Variants in THSD4 observed in about 807,000 individuals in gnomAD.
The protein encoded by THSD4 is thrombospondin type 1 domain containing 4.
Under a neutral mutation model 119.0 loss-of-function variants are expected in THSD4, and 69 were observed. The ratio of observed to expected loss-of-function variants is 0.58; its 90% confidence interval spans 0.48 to 0.71. The LOEUF (loss-of-function observed/expected upper bound fraction) is 0.71. THSD4 is among the 30% of genes least tolerant of loss of function. The probability of loss-of-function intolerance (pLI) is 0.00; values close to 1 mark genes in which losing one functional copy is unlikely to be tolerated. For synonymous variants in THSD4, 524 were observed against 540.4 expected, an observed-to-expected ratio of 0.97 and a Z score of 0.42; for missense variants, 1,393 against 1,391.1, an observed-to-expected ratio of 1.00 and a Z score of -0.02.
intron 3 of THSD4, among the ~76,000 whole-genome samples, chr15:71,207,044 T>A (rs112492267): frequency 2.6e-5 from 4 of 152,344 alleles, no homozygotes; most frequent in African/African-American, 9.6e-5. Flanking sequence ...TCAATTAATA[T>A]TGTATTACAA....
Position 71,097,725 on chromosome 15 carries a change from TA to T in THSD4, c.-80+720del, listed in dbSNP as rs1364643265. ...AGAAAGATGTATATATATATATATA[TA>T]TATTTTTTTTTTTAAGTCCAAAGCA... On this transcript the variant is annotated intron_variant, in intron 1 of 17. Coordinates refer to the THSD4 transcript ENST00000355327. Among the ~76,000 whole-genome samples, 670 of 132,412 alleles carry T rather than the reference TA, an allele frequency of 5.1e-3. 5 individuals carry two copies. Among genetic ancestry groups the T allele is most frequent in the African/African-American group, 0.013 (449 of 35,246 alleles). 86.9% of individuals were successfully genotyped at this position (132,412 alleles called of 152,430 possible).
chr15:71,487,855 T>G (rs1365053366), intron 7 of THSD4, among the ~76,000 whole-genome samples: 1 of 152,192 alleles, frequency 6.6e-6, no homozygotes, highest in South Asian at 2.1e-4. Flanking sequence ...TTGGCTTCTC[T>G]ATAATTTTAT....
At chr15:71,146,359 C>G (rs576608383) in intron 2 of THSD4, among the ~76,000 whole-genome samples, 9 of 151,554 alleles carry the variant, frequency 5.9e-5, no homozygotes, top group African/African-American at 2.2e-4. Context: ...GCAAAGCAGT[C>G]TGAGTACCAG....
At chr15:71,387,461 A>G (rs758534104) in intron 6 of THSD4, among the ~76,000 whole-genome samples, 4 of 152,176 alleles carry the variant, frequency 2.6e-5, no homozygotes, top group Non-Finnish European at 5.9e-5. Flanking sequence ...TCTTTTTCCT[A>G]ATATGTATAA....
chr15:71,691,896 A>T (rs1443613085), intron 8 of THSD4, among the ~76,000 whole-genome samples: 1 of 152,158 alleles, frequency 6.6e-6, no homozygotes, highest in African/African-American at 2.4e-5. Context: ...GGGGAATGAG[A>T]ATGAAACTAG....
Position 71,613,226 on chromosome 15 carries a change from C to T in THSD4, c.1153-47304C>T, listed in dbSNP as rs574832199. 9.2e-5 allele frequency among the ~76,000 whole-genome samples: 14 copies of T among 152,218 alleles called. No homozygotes were observed. In the East Asian group the frequency reaches 1.2e-3, roughly 13 times the overall value. On this transcript the variant is annotated intron_variant, in intron 7 of 17. Coordinates refer to ENST00000261862, the MANE Select transcript of THSD4 (RefSeq NM_024817.3). Reference sequence around the variant, plus strand: ...TATATGGAAGTAAATTCAAGAAATGCCGTGTATTATGTGCCCCTCTTGGAG... The same window carrying T: ...TATATGGAAGTAAATTCAAGAAATGTCGTGTATTATGTGCCCCTCTTGGAG...
intron 11 of THSD4, 109 bp downstream of exon 11, chr15:71,738,116 G>C (rs767103460): frequency 7.1e-7 from 1 of 1,411,632 alleles, no homozygotes; most frequent in Admixed American, 2.3e-5. Flanking sequence ...GACTGGTTTC[G>C]TGGAAGACGA....
intron 7 of THSD4, among the ~76,000 whole-genome samples, chr15:71,477,195 C>T (rs933744067): frequency 3.3e-5 from 5 of 152,322 alleles, no homozygotes; most frequent in East Asian, 1.9e-4. Flanking sequence ...CAGACGTGCA[C>T]GGAGCCAGCC....
intron 8 of THSD4, among the ~76,000 whole-genome samples, chr15:71,703,716 A>G (rs1029776711): frequency 2.6e-5 from 4 of 152,142 alleles, no homozygotes; most frequent in Middle Eastern, 3.2e-3. Flanking sequence ...AGATGGGTCT[A>G]ATTCCTAGGG....
At chr15:71,482,327 G>T (rs1302043154) in intron 7 of THSD4, among the ~76,000 whole-genome samples, 3 of 143,988 alleles carry the variant, frequency 2.1e-5, no homozygotes, top group South Asian at 4.4e-4. Context: ...GTCTTGCTCT[G>T]TTGCCCAGGC....
intron 7 of THSD4, among the ~76,000 whole-genome samples, chr15:71,655,698 A>C (rs2051176392): frequency 6.6e-6 from 1 of 152,158 alleles, no homozygotes; most frequent in African/African-American, 2.4e-5. Context: ...CCAAAGATAC[A>C]GCACTCGTCA....
chr15:71,365,163 G>GTGTGTGTGTGTGTGTGTGTGTA (rs1596369666), intron 6 of THSD4, among the ~76,000 whole-genome samples: 1 of 151,230 alleles, frequency 6.6e-6, no homozygotes, highest in Non-Finnish European at 1.5e-5. Context: ...GTGTGTGTGT[G>GTGTGTGTGTGTGTGTGTGTGTA]TGTATGAGAG....
intron 7 of THSD4, among the ~76,000 whole-genome samples, chr15:71,550,216 A>T (rs186979480): frequency 6.6e-6 from 1 of 152,212 alleles, no homozygotes; most frequent in African/African-American, 2.4e-5. Flanking sequence ...GAGCGTGCCA[A>T]CGTGCAGCTT....
chr15:71,156,136 C>G (rs1410740298), intron 3 of THSD4, among the ~76,000 whole-genome samples: 1 of 152,128 alleles, frequency 6.6e-6, no homozygotes, highest in Non-Finnish European at 1.5e-5. Context: ...CCCTAGAAGC[C>G]CTTTCTGCTA....
At position 71,783,363 on chromosome 15, in the gene THSD4, CAAT is replaced by C. The variant is rs2054025718; in HGVS notation, c.*5992_*5994del. 1 of 152,202 alleles carries C rather than the reference CAAT, an allele frequency of 6.6e-6. No homozygotes were observed. 9.4% of individuals were successfully genotyped at this position (152,202 alleles called of 1,614,324 possible). The stretch of plus-strand genomic sequence containing the variant: ...GCGCCCTCTAAAAAGAAGAGTCAGA[CAAT>C]AAACTGGTTGAAATATCTGCTTTGT... On this transcript the variant is annotated 3_prime_UTR_variant, in exon 18 of 18. Transcript: ENST00000261862.
chr15:71,282,442 T>G (rs2044664367), intron 6 of THSD4, among the ~76,000 whole-genome samples: 1 of 148,536 alleles, frequency 6.7e-6, no homozygotes, highest in Non-Finnish European at 1.5e-5. Context: ...CAAGGAGATG[T>G]GTTACTTGTT....
At chr15:71,610,454 A>G (rs1049036289) in intron 7 of THSD4, among the ~76,000 whole-genome samples, 1 of 152,128 alleles carries the variant, frequency 6.6e-6, no homozygotes, top group African/African-American at 2.4e-5. Flanking sequence ...GGCAATGAGA[A>G]TTTTTTCACA....
At chr15:71,170,024 G>A (rs1467689601) in intron 3 of THSD4, among the ~76,000 whole-genome samples, 3 of 152,112 alleles carry the variant, frequency 2.0e-5, no homozygotes, top group South Asian at 2.1e-4. Context: ...AAGTACAAAC[G>A]TTAGCCAGGC....
intron 7 of THSD4, among the ~76,000 whole-genome samples, chr15:71,459,380 G>GTCTCTCTCTC (rs141034841): frequency 3.0e-3 from 417 of 137,742 alleles, no homozygotes; most frequent in Non-Finnish European, 4.4e-3. Context: ...CTGTCTCTCT[G>GTCTCTCTCTC]TCTCTCTCTC....
Sources: gnomAD v4.1 joint callset for allele counts (sites outside exome capture counted in the v4.1 genomes callset) on GRCh38, gnomAD v4.1.1 for gene constraint, MANE v1.5 for transcripts, NCBI Gene and HGNC (gene_info 2026-07-23, HGNC 2026-07-21) for gene names.